Variants in PTPRQ observed in about 807,000 individuals in gnomAD.
PTPRQ encodes protein tyrosine phosphatase receptor type Q.
PTPRQ carries 199 observed loss-of-function variants against 246.0 expected under a neutral mutation model. The ratio of observed to expected loss-of-function variants is 0.81; its 90% CI spans 0.72 to 0.91. PTPRQ has a LOEUF of 0.91. Among genes scored for constraint, PTPRQ ranks in the 40% least tolerant of loss-of-function variants. The pLI, the probability that PTPRQ is intolerant of heterozygous loss-of-function variation, is 0.00. For missense variants in PTPRQ, 2,624 were observed against 2,528.4 expected, an observed-to-expected ratio of 1.04 and a Z score of -0.81; for synonymous variants, 869 against 853.2, an observed-to-expected ratio of 1.02 and a Z score of -0.32.
intron 16 of PTPRQ, among the ~76,000 whole-genome samples, chr12:80,508,316 A>G (rs975889571): frequency 2.0e-5 from 3 of 152,044 alleles, no homozygotes; most frequent in African/African-American, 7.2e-5. Context: ...AGAGACCTAA[A>G]TTTGACAAAT....
At chr12:80,496,827 G>A (rs922097176) in intron 14 of PTPRQ, among the ~76,000 whole-genome samples, 1 of 151,964 alleles carries the variant, frequency 6.6e-6, no homozygotes, top group East Asian at 1.9e-4. Flanking sequence ...AGATTGAATG[G>A]CTACTTGCTT....
chr12:80,580,512 T>C (rs557721160), intron 25 of PTPRQ, among the ~76,000 whole-genome samples: 1 of 152,278 alleles, frequency 6.6e-6, no homozygotes, highest in African/African-American at 2.4e-5. Flanking sequence ...TGTAATTCAA[T>C]AGGGCAGTTG....
At position 80,465,208 on chromosome 12, in the gene PTPRQ, C is replaced by T. The variant is rs1479954267; in HGVS notation, c.911-3502C>T. The stretch of plus-strand genomic sequence containing the variant: ...ATCCCACAGAAATACAAACTACCAT[C>T]AGAGAATACTACAAACACCTCTATG... On this transcript the variant is annotated intron_variant, in intron 6 of 44. Transcript: ENST00000644991. The T allele has an allele frequency of 2.6e-5, 4 of 151,732 alleles. No homozygotes were observed. In the East Asian group the frequency reaches 7.7e-4, roughly 29 times the overall value. 9.4% of individuals were successfully genotyped at this position (151,732 alleles called of 1,614,324 possible).
Position 80,605,076 on chromosome 12 carries a change from G to A in PTPRQ, c.4627G>A (p.Glu1543Lys). 7 of 1,542,258 alleles carry A rather than the reference G, an allele frequency of 4.5e-6. No individual in the cohort carries two copies. The highest frequency in any genetic ancestry group is 6.1e-6 in the Non-Finnish European group (7 of 1,141,908). ...TLPGPPDGPP[E>K]NVHVVATSPF... ...TGTCATAGCTCCAGATGGTCCTCCT[G>A]AAAATGTTCATGTAGTAGCAACATC... Residue 1543 changes from glutamate (E) to lysine (K), a missense_variant, in exon 27 of 45, where the codon GAA becomes AAA. By Grantham distance (56) the Glu-to-Lys change is moderately conservative. Coordinates refer to ENST00000644991, the MANE Select transcript of PTPRQ (RefSeq NM_001145026.2).
At position 80,534,885 on chromosome 12, in the gene PTPRQ, T is replaced by C. The variant is rs1323441510; in HGVS notation, c.2840-7T>C. The C allele has an allele frequency of 3.9e-6, 6 of 1,545,166 alleles. No individual in the cohort carries two copies. In the African/African-American group the frequency reaches 4.1e-5, roughly 11 times the overall value. On this transcript the variant is annotated splice_region_variant and splice_polypyrimidine_tract_variant and intron_variant, in intron 18 of 44. Transcript: ENST00000644991. ...TACAGTAATTTGTTCAATTATTTGTTTTATAGCACCAAGCGATCCTCCCAA... is the reference window on the plus strand; with the variant it reads ...TACAGTAATTTGTTCAATTATTTGTCTTATAGCACCAAGCGATCCTCCCAA...
intron 23 of PTPRQ, among the ~76,000 whole-genome samples, chr12:80,546,253 A>T (rs1225970323): frequency 6.6e-6 from 1 of 150,998 alleles, no homozygotes; most frequent in Non-Finnish European, 1.5e-5. Context: ...CTGGGAGTCC[A>T]CCTCCCACTG....
At chr12:80,678,390 A>C (rs531783166) in intron 43 of PTPRQ, among the ~76,000 whole-genome samples, 1 of 152,244 alleles carries the variant, frequency 6.6e-6, no homozygotes, top group South Asian at 2.1e-4. Context: ...AAGTGTTAGA[A>C]AAAAACTTGA....
intron 33 of PTPRQ, among the ~76,000 whole-genome samples, chr12:80,624,775 T>C (rs1899133143): frequency 6.6e-6 from 1 of 152,170 alleles, no homozygotes; most frequent in African/African-American, 2.4e-5. Context: ...CCATTTGACA[T>C]TGATAGAACG....
chr12:80,470,180 G>A (rs1282429787), intron 7 of PTPRQ, among the ~76,000 whole-genome samples: 1 of 152,202 alleles, frequency 6.6e-6, no homozygotes, highest in African/African-American at 2.4e-5. Context: ...TACTGGAAAG[G>A]TGTCTGTGTG....
At chr12:80,598,501 C>T (rs910858207) in intron 26 of PTPRQ, among the ~76,000 whole-genome samples, 2 of 151,958 alleles carry the variant, frequency 1.3e-5, no homozygotes, top group Non-Finnish European at 2.9e-5. Flanking sequence ...CAGGAATCCA[C>T]CAGCGAGTTG....
At chr12:80,666,657 T>G (rs1163005) in intron 39 of PTPRQ, among the ~76,000 whole-genome samples, 76,453 of 151,694 alleles carry the variant, frequency 0.5, 21,856 homozygotes, top group African/African-American at 0.8. Context: ...TATGAAAATT[T>G]TCACACTGTA....
In PTPRQ at chr12:80,534,214, T is replaced by C. The variant is rs1467520677; in HGVS notation, c.2839+39T>C. 7.7e-6 allele frequency: 11 copies of C among 1,431,252 alleles called. No individual in the cohort carries two copies. In the East Asian group the frequency reaches 3.0e-4, roughly 39 times the overall value. 88.7% of individuals were successfully genotyped at this position (1,431,252 alleles called of 1,614,324 possible). A position where few individuals can be genotyped will look rare whatever the true frequency, so the allele number is the denominator to read the frequency against. ...GTATGCCAATTAAAAGAATGTTCTT[T>C]TTCTTTAAAAAAAAAATCCTGCCCA... On this transcript the variant is annotated intron_variant, in intron 18 of 44. Coordinates refer to ENST00000644991, the MANE Select transcript of PTPRQ (RefSeq NM_001145026.2).
intron 35 of PTPRQ, among the ~76,000 whole-genome samples, chr12:80,640,450 C>T (rs1273916938): frequency 6.6e-6 from 1 of 152,086 alleles, no homozygotes; most frequent in African/African-American, 2.4e-5. Flanking sequence ...TTTGTGAATT[C>T]GGAATACAAG....
chr12:80,471,119 T>C (rs551242407), intron 7 of PTPRQ, among the ~76,000 whole-genome samples: 1 of 152,236 alleles, frequency 6.6e-6, no homozygotes, highest in Non-Finnish European at 1.5e-5. Flanking sequence ...CTAGTGGATT[T>C]CACTGGTGAT....
intron 25 of PTPRQ, among the ~76,000 whole-genome samples, chr12:80,552,865 T>A (rs1275799372): frequency 6.6e-6 from 1 of 151,636 alleles, no homozygotes; most frequent in Non-Finnish European, 1.5e-5. Context: ...TGCATCAGAA[T>A]GTGCAGCACT....
rs1894509433 is a variant in PTPRQ at position 80,493,331 on chromosome 12, A to G, written c.1416A>G (p.Gly472=). ...EIVNIVEPMV[G]LYEGSAEMSS... ...TGAACATAGTAGAGCCAATGGTAGG[A>G]TTATATGAGGGTTCAGCAGAGATGT... is the stretch of plus-strand genomic sequence containing the variant. The change falls in exon 10 of 45, where the codon GGA becomes GGG. Residue 472 remains glycine (G), a synonymous_variant. Transcript: ENST00000644991. 8 of 1,549,396 alleles carry G rather than the reference A, an allele frequency of 5.2e-6. No individual in the cohort carries two copies. Among genetic ancestry groups the G allele is most frequent in the Non-Finnish European group, 7.0e-6 (8 of 1,145,568 alleles).
chr12:80,549,336 T>C, intron 24 of PTPRQ, 129 bp from the exon 25 acceptor site: 3 of 1,182,958 alleles, frequency 2.5e-6, no homozygotes, highest in Non-Finnish European at 3.4e-6. Context: ...TAAGCACACA[T>C]TGAAAATTTG....
rs201419060 is a variant in PTPRQ at position 80,641,977 on chromosome 12, T to TCTTG, written c.5916-6908_5916-6905dup. ...TCTCTTTTTTCTTCTTTCTTTCTTT[T>TCTTG]CTTGCTTGCTTGCTTCTTTCTTTTT... On this transcript the variant is annotated intron_variant, in intron 35 of 44. Coordinates refer to ENST00000644991, the MANE Select transcript of PTPRQ (RefSeq NM_001145026.2). Among the ~76,000 whole-genome samples, 475 of 151,552 alleles carry TCTTG rather than the reference T, an allele frequency of 3.1e-3. 3 individuals carry two copies. The highest frequency in any genetic ancestry group is 0.011 in the African/African-American group (454 of 41,222).
At chr12:80,650,391 G>T (rs12313030) in intron 37 of PTPRQ, among the ~76,000 whole-genome samples, 10,446 of 151,590 alleles carry the variant, frequency 0.069, 456 homozygotes, top group South Asian at 0.18. Context: ...AAATCTTCAA[G>T]CTACTTTAAG....
Sources: allele counts gnomAD v4.1 joint callset (sites outside exome capture counted in the v4.1 genomes callset), GRCh38; gene constraint gnomAD v4.1.1; transcripts MANE v1.5; gene names NCBI Gene and HGNC (gene_info 2026-07-23, HGNC 2026-07-21).